The following BRK1 variants were observed in gnomAD, a reference collection of about 807,000 sequenced individuals.
BRK1 encodes the protein protein BRICK1.
Under a neutral mutation model 9.9 loss-of-function variants are expected in BRK1, and 6 were observed. That is an observed-to-expected ratio of 0.60 (90% CI 0.33 to 1.19). BRK1 has a LOEUF of 1.19. Ranked by LOEUF, BRK1 falls within the 50% of genes most tolerant of loss-of-function variation. The probability of loss-of-function intolerance (pLI) is 0.04; values close to 1 mark genes in which losing one functional copy is unlikely to be tolerated. For missense variants in BRK1, 62 were observed against 97.5 expected (o/e 0.64, Z 1.53); for synonymous variants, 44 against 31.9 (o/e 1.38, Z -1.28).
At chr3:10,120,440 C>T (rs1695741636) in intron 1 of BRK1, among the ~76,000 whole-genome samples, 1 of 152,150 alleles carries the variant, frequency 6.6e-6, no homozygotes, top group Non-Finnish European at 1.5e-5. Flanking sequence ...AGTGATCTGC[C>T]CACCTCAGCC....
chr3:10,115,819 G>T lies in BRK1; in HGVS notation c.118G>T (p.Asp40Tyr). 1 of 1,612,764 alleles carries T rather than the reference G, an allele frequency of 6.2e-7. No individual in the cohort carries two copies. The highest frequency in any genetic ancestry group is 8.5e-7 in the Non-Finnish European group (1 of 1,178,780). Residue 40 changes from aspartate (D) to tyrosine (Y), a missense_variant and splice_region_variant, in exon 1 of 3, where the codon GAT becomes TAT. Physicochemically the swap from Asp to Tyr is radical, Grantham distance 160. Coordinates refer to ENST00000530758, the MANE Select transcript of BRK1 (RefSeq NM_018462.5). ...KKIADFLNSF[D>Y]MSCRSRLATL... The stretch of plus-strand genomic sequence containing the variant: ...AATCGCAGACTTTCTCAACTCGTTC[G>T]GTCAGCGGGCCAGCAAGGGGAGGCG...
intron 1 of BRK1, among the ~76,000 whole-genome samples, chr3:10,118,326 T>C (rs1410400415): frequency 6.6e-6 from 1 of 151,298 alleles, no homozygotes; most frequent in Non-Finnish European, 1.5e-5. Flanking sequence ...GCTGCGAAAC[T>C]GGATAAATTA....
rs1346650280 is a variant in BRK1, at chr3:10,127,093, A to G, written c.*798A>G. On this transcript the variant is annotated 3_prime_UTR_variant, in exon 3 of 3. Transcript: ENST00000530758. Reference sequence around the variant, plus strand: ...CCCATGTTTGGACTTTCAGCTGACTAGCTCATCTTGGGAATCATTTGGTCA... The same window carrying G: ...CCCATGTTTGGACTTTCAGCTGACTGGCTCATCTTGGGAATCATTTGGTCA... 6.6e-6 allele frequency: 1 copy of G among 152,412 alleles called. No individual in the cohort carries two copies. The highest frequency in any genetic ancestry group is 1.5e-5 in the Non-Finnish European group (1 of 68,038). 9.4% of individuals were successfully genotyped at this position (152,412 alleles called of 1,614,324 possible).
chr3:10,117,766 C>G (rs979787832), intron 1 of BRK1, among the ~76,000 whole-genome samples: 2 of 152,072 alleles, frequency 1.3e-5, no homozygotes, highest in Non-Finnish European at 2.9e-5. Context: ...GAAATGACTT[C>G]CCTTAGCTTA....
intron 1 of BRK1, among the ~76,000 whole-genome samples, chr3:10,124,711 T>C (rs1034252393): frequency 2.0e-5 from 3 of 151,994 alleles, no homozygotes; most frequent in African/African-American, 7.2e-5. Context: ...TAGGAGAGGG[T>C]CTAGTTCCTC....
intron 1 of BRK1, among the ~76,000 whole-genome samples, chr3:10,122,008 G>A (rs1242730514): frequency 1.3e-5 from 2 of 150,424 alleles, no homozygotes; most frequent in Non-Finnish European, 2.9e-5. Flanking sequence ...TCCTGCCTCA[G>A]CCTCCAGAGT....
At position 10,125,699 on chromosome 3, in the gene BRK1, T is replaced by C. The variant is rs1421669813; in HGVS notation, c.192T>C (p.Ile64=). 1.2e-6 allele frequency: 2 copies of C among 1,611,358 alleles called. No individual in the cohort carries two copies. Among genetic ancestry groups the C allele is most frequent in the East Asian group, 2.2e-5 (1 of 44,858 alleles). The stretch of plus-strand genomic sequence containing the variant: ...CCCTTGAACGGAGAATAGAGTACAT[T>C]GAAGCTCGGGTGAGTTTGATGGGCA... ...LTALERRIEY[I]EARVTKGETL... Residue 64 remains isoleucine, a synonymous_variant, in exon 2 of 3, where the codon ATT becomes ATC. Transcript: ENST00000530758.
intron 2 of BRK1, 75 bp from the exon 3 acceptor site, chr3:10,126,194 A>T: frequency 3.7e-6 from 4 of 1,067,282 alleles, no homozygotes; most frequent in Non-Finnish European, 5.3e-6. Context: ...ACTGCCTAGG[A>T]TCTAAAGATT....
At chr3:10,123,656 C>G (rs375982420) in intron 1 of BRK1, among the ~76,000 whole-genome samples, 2 of 133,886 alleles carry the variant, frequency 1.5e-5, no homozygotes, top group Non-Finnish European at 1.5e-5. Context: ...GGATGGTCTC[C>G]ATCTCCTGAC....
intron 1 of BRK1, among the ~76,000 whole-genome samples, chr3:10,117,648 C>T (rs957105452): frequency 9.2e-5 from 14 of 152,094 alleles, no homozygotes; most frequent in South Asian, 2.1e-4. Flanking sequence ...CCACCCGCTT[C>T]GGCCTCCCAA....
chr3:10,123,871 G>C (rs964359765), intron 1 of BRK1, among the ~76,000 whole-genome samples: 1 of 143,786 alleles, frequency 7.0e-6, no homozygotes, highest in African/African-American at 2.6e-5. Flanking sequence ...GAGTAGCTGG[G>C]ACTAGAGGCA....
intron 1 of BRK1, among the ~76,000 whole-genome samples, chr3:10,121,462 C>T (rs1035892998): frequency 2.0e-5 from 3 of 152,100 alleles, no homozygotes; most frequent in Non-Finnish European, 4.4e-5. Context: ...CCTCAGCTTA[C>T]CTAGACCTCA....
At chr3:10,120,038 T>G (rs950934626) in intron 1 of BRK1, among the ~76,000 whole-genome samples, 1 of 104,126 alleles carries the variant, frequency 9.6e-6, no homozygotes, top group Non-Finnish European at 1.9e-5. Context: ...ACAGTTTTTG[T>G]TTTTTTTTTG....
chr3:10,121,570 T>C (rs1444370845), intron 1 of BRK1, among the ~76,000 whole-genome samples: 1 of 152,118 alleles, frequency 6.6e-6, no homozygotes, highest in African/African-American at 2.4e-5. Context: ...TCAACATCTA[T>C]GTACCAGGCA....
chr3:10,124,514 C>T (rs748307370), intron 1 of BRK1, among the ~76,000 whole-genome samples: 1 of 152,056 alleles, frequency 6.6e-6, no homozygotes, highest in Non-Finnish European at 1.5e-5. Flanking sequence ...AAACCACATA[C>T]ATTTATTATT....
At chr3:10,120,790 T>C (rs1450687309) in intron 1 of BRK1, among the ~76,000 whole-genome samples, 3 of 152,222 alleles carry the variant, frequency 2.0e-5, no homozygotes, top group African/African-American at 7.2e-5. Flanking sequence ...AGCATAGTAT[T>C]GTTCTTGAAT....
In BRK1 at chr3:10,126,631, C is replaced by T. The variant is rs1695845249; in HGVS notation, c.*336C>T. 3.9e-6 allele frequency: 1 copy of T among 254,854 alleles called. No homozygotes were observed. The highest frequency in any genetic ancestry group is 2.3e-5 in the African/African-American group (1 of 44,406). The allele number at this position is 254,854 out of a possible 1,614,324, so 15.8% of individuals were successfully genotyped here. ...CTCACCTCTATCTTTCTTTCTCTCT[C>T]TCTCAAACTTTCCTTAAAGTTCTCA... On this transcript the variant is annotated 3_prime_UTR_variant, in exon 3 of 3. Transcript: ENST00000530758.
chr3:10,120,668 T>A (rs1695744887), intron 1 of BRK1, among the ~76,000 whole-genome samples: 1 of 152,234 alleles, frequency 6.6e-6, no homozygotes. Context: ...GAATGCTTTC[T>A]CAGTGTTTTT....
intron 1 of BRK1, among the ~76,000 whole-genome samples, chr3:10,123,458 C>T (rs1695786331): frequency 9.3e-6 from 1 of 107,466 alleles, no homozygotes; most frequent in African/African-American, 4.7e-5. Context: ...TTTTTTGAGA[C>T]GGAGTCTCAC....
Sources: gnomAD v4.1 joint callset for allele counts (sites outside exome capture counted in the v4.1 genomes callset) on GRCh38, gnomAD v4.1.1 for gene constraint, MANE v1.5 for transcripts, NCBI Gene and HGNC (gene_info 2026-07-23, HGNC 2026-07-21) for gene names.